Variants in PIH1D1 observed in about 807,000 individuals in gnomAD.
PIH1D1 encodes the protein PIH1 domain-containing protein 1.
PIH1D1 carries 28 observed loss-of-function variants against 38.5 expected under a neutral mutation model. The observed-to-expected ratio is 0.73, with a 90% CI of 0.54 to 1.00. PIH1D1 has a LOEUF of 1.00. PIH1D1 is among the 50% of genes least tolerant of loss of function. The probability of loss-of-function intolerance (pLI) is 0.00; values close to 1 mark genes in which losing one functional copy is unlikely to be tolerated. For missense variants in PIH1D1, 343 were observed against 369.9 expected, an observed-to-expected ratio of 0.93 and a Z score of 0.60; for synonymous variants, 155 against 153.5, an observed-to-expected ratio of 1.01 and a Z score of -0.07.
chr19:49,450,042 G>A (rs575476178), intron 2 of PIH1D1, among the ~76,000 whole-genome samples: 3 of 151,906 alleles, frequency 2.0e-5, no homozygotes, highest in African/African-American at 4.8e-5. Flanking sequence ...TGATCCTCCC[G>A]CCTTGGCCTC....
At chr19:49,447,151 G>T in intron 6 of PIH1D1, 52 bp from the exon 7 acceptor site, 1 of 1,538,044 alleles carries the variant, frequency 6.5e-7, no homozygotes. Flanking sequence ...TCTTTGCCTG[G>T]CGTGCTGTCC....
At chr19:49,448,527 C>T (rs2079038782) in intron 3 of PIH1D1, 1 of 186,202 alleles carries the variant, frequency 5.4e-6, no homozygotes, top group Non-Finnish European at 1.1e-5. Flanking sequence ...CTTCTTCTGT[C>T]TGCCTGCTGA....
At chr19:49,451,418 G>A (rs770569066) in intron 1 of PIH1D1, 67 bp downstream of exon 1, 2 of 1,603,304 alleles carry the variant, frequency 1.2e-6, no homozygotes, top group Non-Finnish European at 1.7e-6. Flanking sequence ...GGGAACTGCA[G>A]TCCCATCTTT....
chr19:49,448,400 G>A, intron 3 of PIH1D1: 1 of 362,538 alleles, frequency 2.8e-6, no homozygotes, highest in Non-Finnish European at 5.2e-6. Context: ...CCCACCTCTG[G>A]AGAAGACCTC....
intron 6 of PIH1D1, 111 bp downstream of exon 6, chr19:49,447,226 TC>T: frequency 6.6e-7 from 1 of 1,521,350 alleles, no homozygotes; most frequent in Non-Finnish European, 9.0e-7. Context: ...TTCTCTCTCC[TC>T]CCTCTCTCAG....
At chr19:49,451,027 T>A (rs1216161528) in intron 1 of PIH1D1, 179 bp from the exon 2 acceptor site, 400 of 79,010 alleles carry the variant, frequency 5.1e-3, no homozygotes, top group Non-Finnish European at 6.3e-3. Context: ...TCCCATTTCT[T>A]TTTTTTTTTT....
At chr19:49,449,003 C>T in intron 3 of PIH1D1, 1 of 318,318 alleles carries the variant, frequency 3.1e-6, no homozygotes, top group Non-Finnish European at 6.2e-6. Context: ...ACCAGCCAGG[C>T]CAACGTGGCG....
chr19:49,446,539 T>G lies in PIH1D1; in HGVS notation c.831+12A>C. On this transcript the variant is annotated intron_variant, in intron 8 of 8. Coordinates refer to ENST00000262265, the MANE Select transcript of PIH1D1 (RefSeq NM_017916.3). ...CAATGTCCCAGCTTCCCCAAGCCCC[T>G]CCCCCAGGCACCTTTCTCTTCCGGT... is the stretch of plus-strand genomic sequence containing the variant. 1 of 1,609,782 alleles carries G rather than the reference T, an allele frequency of 6.2e-7. No individual in the cohort carries two copies. The highest frequency in any genetic ancestry group is 8.5e-7 in the Non-Finnish European group (1 of 1,178,296).
chr19:49,449,069 G>A (rs2079042128), intron 3 of PIH1D1: 1 of 351,738 alleles, frequency 2.8e-6, no homozygotes, highest in South Asian at 2.2e-5. Flanking sequence ...GAGCACACCT[G>A]TAATCCCAGC....
chr19:49,447,806 G>A (rs748667110), intron 5 of PIH1D1, 21 bp downstream of exon 5: 3 of 1,611,794 alleles, frequency 1.9e-6, no homozygotes, highest in South Asian at 1.1e-5. Context: ...CTTTCCCGAG[G>A]GCCCAGGACC....
intron 1 of PIH1D1, 171 bp from the exon 2 acceptor site, chr19:49,451,019 CCATTTCTT>C (rs1431578636): frequency 1.6e-5 from 19 of 1,186,976 alleles, no homozygotes; most frequent in Middle Eastern, 2.3e-4. Context: ...AACCCCATTC[CCATTTCTT>C]TTTTTTTTTT....
chr19:49,446,413 A>C lies in PIH1D1; in HGVS notation c.842T>G (p.Val281Gly). 1.1e-6 allele frequency: 1 copy of C among 937,856 alleles called. No individual in the cohort carries two copies. The highest frequency in any genetic ancestry group is 1.8e-6 in the Non-Finnish European group (1 of 561,668). The allele number at this position is 937,856 out of a possible 1,614,324, so 58.1% of individuals were successfully genotyped here. The change falls in exon 9 of 9, where the codon GTG (valine) becomes GGG (glycine). Residue 281 changes from valine to glycine, a missense_variant. Transcript: ENST00000262265. ...AGGCACCGGCAGAAGCGGCATGGCC[A>C]CCATTAATTGCTGAGGAGACAGAGC... Reference protein sequence around the residue: ...AFHRKRKQLMVAMPLLPVPS With the variant: ...AFHRKRKQLMGAMPLLPVPS
chr19:49,446,748 G>A (rs762080679), intron 7 of PIH1D1, 54 bp from the exon 8 acceptor site: 3 of 1,508,910 alleles, frequency 2.0e-6, no homozygotes, highest in Non-Finnish European at 2.7e-6. Flanking sequence ...TGATCACCTG[G>A]ACCAGGCATG....
rs545926577 is a variant in PIH1D1 at position 49,448,110 on chromosome 19, G to A, written c.338-48C>T. 1.1e-4 allele frequency: 178 copies of A among 1,577,920 alleles called. 2 individuals are homozygous for A. The South Asian group carries it at 1.9e-3, about 17-fold the overall frequency. ...AGGACCCCCCAGCCCTCTGCAGGAA[G>A]CCCACAGCCCAGACCCAGACAGGGA... is the stretch of plus-strand genomic sequence containing the variant. On this transcript the variant is annotated intron_variant, in intron 3 of 8. Transcript: ENST00000262265.
intron 2 of PIH1D1, 140 bp from the exon 3 acceptor site, chr19:49,449,794 CTT>C (rs61447252): frequency 2.9e-3 from 1,455 of 501,430 alleles, no homozygotes; most frequent in East Asian, 0.014. Context: ...CCTCACTTCT[CTT>C]TTTTTTTTTT....
intron 5 of PIH1D1, 159 bp downstream of exon 5, chr19:49,447,668 G>A (rs1286742200): frequency 7.4e-6 from 7 of 947,024 alleles, no homozygotes; most frequent in Admixed American, 4.1e-5. Context: ...CCCTGGAGAT[G>A]TTCCTGGCCC....
intron 1 of PIH1D1, 192 bp from the exon 2 acceptor site, chr19:49,451,040 T>C (rs968783914): frequency 5.2e-6 from 6 of 1,150,102 alleles, no homozygotes; most frequent in Non-Finnish European, 7.0e-6. Context: ...TTTTTTTTTT[T>C]TTTTTTGGAG....
rs140923991 is a variant in PIH1D1 at position 49,446,341 on chromosome 19, G to A, written c.*41C>T. 29 of 785,922 alleles carry A rather than the reference G, an allele frequency of 3.7e-5. No individual in the cohort carries two copies. Among genetic ancestry groups the A allele is most frequent in the Non-Finnish European group, 5.4e-5 (23 of 422,624 alleles). 48.7% of individuals were successfully genotyped at this position (785,922 alleles called of 1,614,324 possible). A position where few individuals can be genotyped will look rare whatever the true frequency, so the allele number is the denominator to read the frequency against. On this transcript the variant is annotated 3_prime_UTR_variant, in exon 9 of 9. Transcript: ENST00000262265. ...ATTTCAACTTTTAGGGAAGCCAGCA[G>A]CCTCTTCTCCACATCTCAGAAGCAC... is the stretch of plus-strand genomic sequence containing the variant.
intron 6 of PIH1D1, 91 bp downstream of exon 6, chr19:49,447,247 C>A: frequency 6.4e-7 from 1 of 1,561,350 alleles, no homozygotes; most frequent in Non-Finnish European, 8.8e-7. Flanking sequence ...GTGCCCAGGG[C>A]CCCAGGACAT....
Sources: allele counts gnomAD v4.1 joint callset (sites outside exome capture counted in the v4.1 genomes callset), GRCh38; gene constraint gnomAD v4.1.1; transcripts MANE v1.5; gene names NCBI Gene and HGNC (gene_info 2026-07-23, HGNC 2026-07-21).